Variants in LRFN5 observed in about 807,000 individuals in gnomAD.
LRFN5 encodes leucine-rich repeat and fibronectin type-III domain-containing protein 5.
Under a neutral mutation model 45.6 loss-of-function variants are expected in LRFN5, and 24 were observed. The observed-to-expected ratio is 0.53, with a 90% CI of 0.38 to 0.74. The LOEUF (loss-of-function observed/expected upper bound fraction) is 0.74. Ranked by LOEUF, LRFN5 falls within the 30% of genes least tolerant of loss-of-function variation. LRFN5 has a pLI of 0.00. For missense variants in LRFN5, 776 were observed against 861.5 expected (o/e 0.90, Z 1.24); for synonymous variants, 340 against 313.8 (o/e 1.08, Z -0.88).
intron 1 of LRFN5, among the ~76,000 whole-genome samples, chr14:41,675,404 C>T (rs1053528056): frequency 1.3e-5 from 2 of 152,256 alleles, no homozygotes; most frequent in Non-Finnish European, 2.9e-5. Context: ...AGCTGGAGAC[C>T]AGCCCGGCCA....
chr14:41,868,599 G>A (rs1594480061), intron 2 of LRFN5, among the ~76,000 whole-genome samples: 1 of 152,248 alleles, frequency 6.6e-6, no homozygotes, highest in East Asian at 1.9e-4. Flanking sequence ...TGAATGGAAT[G>A]TAGGCCATGA....
chr14:41,688,902 A>G (rs1047730126), intron 1 of LRFN5, among the ~76,000 whole-genome samples: 3 of 116,656 alleles, frequency 2.6e-5, no homozygotes, highest in African/African-American at 1.1e-4. Flanking sequence ...GTGAGACCCT[A>G]TTTCTACCAA....
chr14:41,612,898 A>G (rs752201291), intron 1 of LRFN5, among the ~76,000 whole-genome samples: 1 of 152,120 alleles, frequency 6.6e-6, no homozygotes, highest in African/African-American at 2.4e-5. Flanking sequence ...AAGATAACCA[A>G]TGCTACTTTT....
chr14:41,798,377 T>C (rs1887207546), intron 2 of LRFN5, among the ~76,000 whole-genome samples: 1 of 152,000 alleles, frequency 6.6e-6, no homozygotes, highest in Non-Finnish European at 1.5e-5. Flanking sequence ...GTCTTCTGTT[T>C]TTCCTCTCTA....
intron 1 of LRFN5, among the ~76,000 whole-genome samples, chr14:41,727,743 A>C (rs1883998696): frequency 6.6e-6 from 1 of 152,306 alleles, no homozygotes; most frequent in African/African-American, 2.4e-5. Flanking sequence ...CAATTTCAAC[A>C]AAACATTTGA....
intron 2 of LRFN5, among the ~76,000 whole-genome samples, chr14:41,780,524 A>G (rs984633345): frequency 2.6e-5 from 4 of 152,144 alleles, no homozygotes; most frequent in African/African-American, 9.6e-5. Context: ...TAGTGTTAGT[A>G]TGGTCTATAT....
At chr14:41,758,251 C>A (rs1378432393) in intron 1 of LRFN5, among the ~76,000 whole-genome samples, 1 of 152,110 alleles carries the variant, frequency 6.6e-6, no homozygotes, top group Non-Finnish European at 1.5e-5. Flanking sequence ...ATAAGGATGA[C>A]ATATTTCAAT....
intron 1 of LRFN5, among the ~76,000 whole-genome samples, chr14:41,702,375 C>A (rs1035209907): frequency 1.3e-5 from 2 of 152,174 alleles, no homozygotes; most frequent in Non-Finnish European, 2.9e-5. Flanking sequence ...TGGCACCATA[C>A]ATTGTATACT....
In LRFN5 at chr14:41,791,177, G is replaced by GT. The variant is rs536062295; in HGVS notation, c.-21+24156dup. On this transcript the variant is annotated intron_variant, in intron 2 of 5. Coordinates refer to ENST00000298119, the MANE Select transcript of LRFN5 (RefSeq NM_152447.5). ...CTTAATACCAATTTGATTACCTAGT[G>GT]TTTTTTTTAAAAAAAGTATTTTGGA... Among the ~76,000 whole-genome samples, 20 of 151,044 alleles carry GT rather than the reference G, an allele frequency of 1.3e-4. No homozygotes were observed. In the East Asian group the frequency reaches 2.5e-3, roughly 19 times the overall value.
chr14:41,621,306 C>T (rs1055268694), intron 1 of LRFN5, among the ~76,000 whole-genome samples: 1 of 152,044 alleles, frequency 6.6e-6, no homozygotes, highest in African/African-American at 2.4e-5. Flanking sequence ...AAGCCCATAA[C>T]ACAAAACTTT....
chr14:41,795,858 T>C (rs1358774261), intron 2 of LRFN5, among the ~76,000 whole-genome samples: 4 of 151,928 alleles, frequency 2.6e-5, no homozygotes, highest in South Asian at 2.1e-4. Flanking sequence ...CACACCAACA[T>C]GGCACATGTA....
At chr14:41,621,864 G>C (rs1416343783) in intron 1 of LRFN5, among the ~76,000 whole-genome samples, 3 of 152,016 alleles carry the variant, frequency 2.0e-5, no homozygotes, top group Admixed American at 1.3e-4. Flanking sequence ...GGTAGGTCAG[G>C]GTCGCTTCGC....
Position 41,891,729 on chromosome 14 carries a change from C to T in LRFN5, c.1865C>T (p.Ser622Phe), listed in dbSNP as rs142220815. 1.9e-3 allele frequency: 2,988 copies of T among 1,614,180 alleles called. 13 individuals are homozygous for T. The highest frequency in any genetic ancestry group is 1.4e-3 in the Non-Finnish European group (1,693 of 1,180,038). The change falls in exon 4 of 6, where the codon TCC becomes TTC. Residue 622 changes from serine (S) to phenylalanine (F), a missense_variant. By Grantham distance (155) the Ser-to-Phe change is radical. This residue lies in a region of LRFN5 where 465 missense variants were observed against 456.4 expected (regional missense o/e 1.02). Transcript: ENST00000298119. ...QSSETCSSQD[S>F]STTTSALPPS... ...TCAGAAACTTGTTCGAGTCAGGACT[C>T]CTCTACCACTACCTCTGCTTTGCCT...
rs962109351 is a variant in LRFN5, at chr14:41,846,374, G to T, written c.-20-40232G>T. Among the ~76,000 whole-genome samples, 3 of 151,922 alleles carry T rather than the reference G, an allele frequency of 2.0e-5. No homozygotes were observed. The East Asian group carries it at 5.8e-4, about 29-fold the overall frequency. On this transcript the variant is annotated intron_variant, in intron 2 of 5. Coordinates refer to ENST00000298119, the MANE Select transcript of LRFN5 (RefSeq NM_152447.5). ...AAACTAGAAAAAGACTCCAACAATA[G>T]AATCAAAAATACATTTTGCTATAAT...
chr14:41,755,296 CTGAGT>C (rs1352985824), intron 1 of LRFN5, among the ~76,000 whole-genome samples: 2 of 152,110 alleles, frequency 1.3e-5, no homozygotes, highest in African/African-American at 4.8e-5. Context: ...TGGTGCAGAG[CTGAGT>C]TAAGTTCCTG....
chr14:41,781,615 AGAGAAAGAAAGAAAGAAAG>A (rs1566437335), intron 2 of LRFN5, among the ~76,000 whole-genome samples: 19 of 92,820 alleles, frequency 2.0e-4, no homozygotes, highest in Admixed American at 7.1e-4. Context: ...AAAGAAAGAA[AGAGAAAGAAAGAAAGAAAG>A]GAAAGAAAGA....
At chr14:41,653,734 T>C (rs1299612567) in intron 1 of LRFN5, among the ~76,000 whole-genome samples, 2 of 152,018 alleles carry the variant, frequency 1.3e-5, no homozygotes, top group Non-Finnish European at 1.5e-5. Context: ...GGATGGGAGA[T>C]AGGTAGACCA....
At chr14:41,802,481 A>T (rs1348379015) in intron 2 of LRFN5, among the ~76,000 whole-genome samples, 1 of 152,184 alleles carries the variant, frequency 6.6e-6, no homozygotes, top group Non-Finnish European at 1.5e-5. Flanking sequence ...CAGGATTCTT[A>T]CTGAAACTAG....
chr14:41,705,104 G>T (rs1566629152), intron 1 of LRFN5, among the ~76,000 whole-genome samples: 1 of 151,836 alleles, frequency 6.6e-6, no homozygotes, highest in Non-Finnish European at 1.5e-5. Context: ...TTTTTCAAAA[G>T]GAGAGAGTAA....
Sources: allele counts gnomAD v4.1 joint callset (sites outside exome capture counted in the v4.1 genomes callset), GRCh38; gene constraint gnomAD v4.1.1; regional missense constraint gnomAD v4.1.1; transcripts MANE v1.5; gene names NCBI Gene and HGNC (gene_info 2026-07-23, HGNC 2026-07-21).